The following ATXN10 variants were observed in gnomAD, a reference collection of about 807,000 sequenced individuals.
The protein encoded by ATXN10 is ataxin-10.
ATXN10 carries 28 observed loss-of-function variants against 52.9 expected under a neutral mutation model. The ratio of observed to expected loss-of-function variants is 0.53; its 90% confidence interval spans 0.39 to 0.73. The LOEUF (loss-of-function observed/expected upper bound fraction) is 0.73, where lower values mean the gene tolerates loss of function less well. Among genes scored for constraint, ATXN10 ranks in the 30% least tolerant of loss-of-function variants. The pLI is 0.00. For synonymous variants in ATXN10, 226 were observed against 221.5 expected (o/e 1.02, Z -0.18); for missense variants, 565 against 577.0 (o/e 0.98, Z 0.21).
chr22:45,738,634 A>T (rs1404934031), intron 7 of ATXN10, 97 bp from the exon 8 acceptor site: 1 of 1,079,538 alleles, frequency 9.3e-7, no homozygotes. Context: ...AGACTCTTTA[A>T]ATTTATTGAA....
At chr22:45,710,207 C>T (rs1457100730) in intron 5 of ATXN10, among the ~76,000 whole-genome samples, 1 of 152,186 alleles carries the variant, frequency 6.6e-6, no homozygotes, top group African/African-American at 2.4e-5. Flanking sequence ...GACTGACCAC[C>T]TCATCTTATT....
chr22:45,760,118 C>G (rs1331250541), intron 9 of ATXN10, among the ~76,000 whole-genome samples: 3 of 152,212 alleles, frequency 2.0e-5, no homozygotes, highest in African/African-American at 7.2e-5. Context: ...TTTGCTTAGA[C>G]TTCCCTGGGA....
At position 45,742,744 on chromosome 22, in the gene ATXN10, G is replaced by A. The variant is rs139103487; in HGVS notation, c.1173+2206G>A. Among the ~76,000 whole-genome samples, 1,096 of 152,294 alleles carry A rather than the reference G, an allele frequency of 7.2e-3. 12 individuals are homozygous for A. The highest frequency in any genetic ancestry group is 0.019 in the African/African-American group (795 of 41,556). Reference sequence around the variant, plus strand: ...TGGAATAATTCCTGTGAGACATGGCGCAGAACCAAACGCTAGACAACTTGC... The same window carrying A: ...TGGAATAATTCCTGTGAGACATGGCACAGAACCAAACGCTAGACAACTTGC... On this transcript the variant is annotated intron_variant, in intron 9 of 11. Coordinates refer to ENST00000252934, the MANE Select transcript of ATXN10 (RefSeq NM_013236.4).
At chr22:45,797,282 A>G (rs1011814151) in intron 9 of ATXN10, among the ~76,000 whole-genome samples, 2 of 152,234 alleles carry the variant, frequency 1.3e-5, no homozygotes, top group Admixed American at 1.3e-4. Context: ...TCCAGTACAC[A>G]TAGAACATTC....
rs955871491 is a variant in ATXN10 at position 45,844,717 on chromosome 22, T to C, written c.*1046T>C. ...TCACGTTGTGAATGCTTAAAACATATTATTTTCTTCAACAACCATATCGCT... is the reference window on the plus strand; with the variant it reads ...TCACGTTGTGAATGCTTAAAACATACTATTTTCTTCAACAACCATATCGCT... On this transcript the variant is annotated 3_prime_UTR_variant, in exon 12 of 12. Transcript: ENST00000252934. 2 of 152,230 alleles carry C rather than the reference T, an allele frequency of 1.3e-5. No homozygotes were observed. The highest frequency in any genetic ancestry group is 4.8e-5 in the African/African-American group (2 of 41,448). The allele number at this position is 152,230 out of a possible 1,614,324, so 9.4% of individuals were successfully genotyped here. A position where few individuals can be genotyped will look rare whatever the true frequency, so the allele number is the denominator to read the frequency against.
At chr22:45,791,548 A>G (rs1487001895) in intron 9 of ATXN10, among the ~76,000 whole-genome samples, 1 of 152,200 alleles carries the variant, frequency 6.6e-6, no homozygotes. Context: ...GATGGTTGAT[A>G]TTATTATGAG....
intron 6 of ATXN10, among the ~76,000 whole-genome samples, chr22:45,719,038 C>CGT (rs966477981): frequency 2.7e-5 from 4 of 149,978 alleles, no homozygotes; most frequent in Non-Finnish European, 5.9e-5. Flanking sequence ...GATTCAGGTT[C>CGT]GTGTGTGTGT....
chr22:45,737,938 A>G (rs539748264), intron 7 of ATXN10, among the ~76,000 whole-genome samples: 2 of 152,208 alleles, frequency 1.3e-5, no homozygotes, highest in African/African-American at 4.8e-5. Flanking sequence ...CTTGACCTCA[A>G]GTGATCTTCT....
Position 45,843,000 on chromosome 22 carries a change from A to G in ATXN10, c.1247A>G (p.Gln416Arg), listed in dbSNP as rs758540049. The stretch of plus-strand genomic sequence containing the variant: ...TTCACTCTGGCTCCAGTTCTGACCC[A>G]GTGGGTGATATATGCCATCCGAAAC... ...NISDSNPFLT[Q>R]WVIYAIRNLT... Residue 416 changes from glutamine (Q) to arginine (R), a missense_variant, in exon 11 of 12, where the codon CAG (glutamine) becomes CGG (arginine). Transcript: ENST00000252934. This position sits in a 1 kb window ranked among gnomAD's most constrained non-coding sequence, Gnocchi z 4.8. 2 of 1,614,092 alleles carry G rather than the reference A, an allele frequency of 1.2e-6. No individual in the cohort carries two copies. Among genetic ancestry groups the G allele is most frequent in the East Asian group, 2.2e-5 (1 of 44,882 alleles).
At position 45,681,964 on chromosome 22, in the gene ATXN10, C is replaced by G. The variant is rs1922940023; in HGVS notation, c.117-7748C>G. Among the ~76,000 whole-genome samples, 1 of 152,224 alleles carries G rather than the reference C, an allele frequency of 6.6e-6. No homozygotes were observed. Among genetic ancestry groups the G allele is most frequent in the South Asian group, 2.1e-4 (1 of 4,828 alleles). On this transcript the variant is annotated intron_variant, in intron 1 of 11. Coordinates refer to ENST00000252934, the MANE Select transcript of ATXN10 (RefSeq NM_013236.4). The surrounding 1 kb of genome is among the most constrained non-coding windows in gnomAD (Gnocchi z 4.2). ...CCCGTAGCCTGCCTTTGCTTCTGGT[C>G]TGTGGATTAGCGATCTTGCTCTGAA...
Position 45,833,770 on chromosome 22 carries a change from C to A in ATXN10, c.1238-9221C>A, listed in dbSNP as rs373057064. Among the ~76,000 whole-genome samples, 14 of 152,296 alleles carry A rather than the reference C, an allele frequency of 9.2e-5. No homozygotes were observed. Among genetic ancestry groups the A allele is most frequent in the African/African-American group, 3.1e-4 (13 of 41,558 alleles). On this transcript the variant is annotated intron_variant, in intron 10 of 11. Coordinates refer to ENST00000252934, the MANE Select transcript of ATXN10 (RefSeq NM_013236.4). This position sits in a 1 kb window ranked among gnomAD's most constrained non-coding sequence, Gnocchi z 4.3. ...CTGGTTTGTAGGCATAGCTCAGAAA[C>A]GTGCAGTCATAGCAACCCGGAAGAA...
chr22:45,804,874 T>C (rs1419871346), intron 9 of ATXN10, among the ~76,000 whole-genome samples: 1 of 152,178 alleles, frequency 6.6e-6, no homozygotes, highest in East Asian at 1.9e-4. Context: ...AACCTTCCAT[T>C]GTTTCTTGTT....
At position 45,819,206 on chromosome 22, in the gene ATXN10, AGAATAGAATAGAATAGAAT is replaced by A. The variant is rs1928568410; in HGVS notation, c.1237+12185_1237+12203del. Reference sequence around the variant, plus strand: ...AATAGAATAGAAAATAGAATAGAATAGAATAGAATAGAATAGAATAGAATAGAATAGAATAGAATAGAAT... The same window carrying A: ...AATAGAATAGAAAATAGAATAGAATAAGAATAGAATAGAATAGAATAGAAT... On this transcript the variant is annotated intron_variant, in intron 10 of 11. Transcript: ENST00000252934. This position sits in a 1 kb window ranked among gnomAD's most constrained non-coding sequence, Gnocchi z 4.5. Among the ~76,000 whole-genome samples the A allele has an allele frequency of 3.2e-5, 1 of 30,902 alleles. No individual in the cohort carries two copies. The highest frequency in any genetic ancestry group is 7.5e-5 in the Non-Finnish European group (1 of 13,386). 20.3% of individuals were successfully genotyped at this position (30,902 alleles called of 152,430 possible).
intron 9 of ATXN10, among the ~76,000 whole-genome samples, chr22:45,791,789 C>T (rs544138844): frequency 6.6e-6 from 1 of 152,232 alleles, no homozygotes; most frequent in African/African-American, 2.4e-5. Context: ...GTCATACTAG[C>T]CTTGTAAAAT....
chr22:45,810,113 G>T (rs1434762056), intron 10 of ATXN10, among the ~76,000 whole-genome samples: 1 of 152,086 alleles, frequency 6.6e-6, no homozygotes, highest in African/African-American at 2.4e-5. Flanking sequence ...AGTGTGTTAG[G>T]ATCTATTTCT....
intron 5 of ATXN10, among the ~76,000 whole-genome samples, chr22:45,716,562 C>G (rs1924455632): frequency 1.3e-5 from 2 of 151,974 alleles, no homozygotes; most frequent in Admixed American, 1.3e-4. Context: ...CCAGGCTGGT[C>G]TCAAACTCTT....
Position 45,695,141 on chromosome 22 carries a change from G to A in ATXN10, c.391+2063G>A, listed in dbSNP as rs547846950. Among the ~76,000 whole-genome samples the A allele has an allele frequency of 6.6e-5, 10 of 151,532 alleles. No individual in the cohort carries two copies. The South Asian group carries it at 1.7e-3, about 25-fold the overall frequency. Reference sequence around the variant, plus strand: ...GTCAGGAGATCTACCTGGCTAACACGGTGAAACCCCGTCTCTAGTAAAAAT... The same window carrying A: ...GTCAGGAGATCTACCTGGCTAACACAGTGAAACCCCGTCTCTAGTAAAAAT... On this transcript the variant is annotated intron_variant, in intron 3 of 11. Coordinates refer to ENST00000252934, the MANE Select transcript of ATXN10 (RefSeq NM_013236.4).
intron 1 of ATXN10, among the ~76,000 whole-genome samples, chr22:45,680,981 A>G (rs932825467): frequency 6.6e-6 from 1 of 152,170 alleles, no homozygotes; most frequent in Admixed American, 6.5e-5. Flanking sequence ...GCTTGGCTCA[A>G]AGGTGTGGTA....
chr22:45,723,011 T>C (rs1160110460), intron 6 of ATXN10, among the ~76,000 whole-genome samples: 2 of 152,162 alleles, frequency 1.3e-5, no homozygotes, highest in Non-Finnish European at 2.9e-5. Context: ...GGATCCTGAC[T>C]TCTTATACTT....
Sources: allele counts gnomAD v4.1 joint callset (sites outside exome capture counted in the v4.1 genomes callset), GRCh38; gene constraint gnomAD v4.1.1; non-coding constraint Gnocchi (gnomAD v3.1); transcripts MANE v1.5; gene names NCBI Gene and HGNC (gene_info 2026-07-23, HGNC 2026-07-21).